CAST: variants seen among roughly 807,000 people sequenced by gnomAD.
The protein encoded by CAST is MIR583 host.
In CAST, 76 loss-of-function variants were observed where a neutral mutation model predicts 119.6. The observed-to-expected ratio is 0.64, with a 90% CI of 0.53 to 0.77. The LOEUF (loss-of-function observed/expected upper bound fraction) is 0.77. Among genes scored for constraint, CAST ranks in the 30% least tolerant of loss-of-function variants. The pLI is 0.00. For synonymous variants in CAST, 319 were observed against 331.6 expected, an observed-to-expected ratio of 0.96 and a Z score of 0.41; for missense variants, 953 against 946.5, an observed-to-expected ratio of 1.01 and a Z score of -0.09.
At chr5:96,684,184 G>A (rs1446916892) in intron 2 of CAST, among the ~76,000 whole-genome samples, 1 of 152,170 alleles carries the variant, frequency 6.6e-6, no homozygotes, top group Non-Finnish European at 1.5e-5. Context: ...GATACTAATA[G>A]TTCTTACATA....
the CAST span, among the ~76,000 whole-genome samples, chr5:96,038,999 G>T: frequency 6.6e-6 from 1 of 152,128 alleles, no homozygotes; most frequent in Admixed American, 6.5e-5. Context: ...CAGTGTAAAA[G>T]TGTTCCTATT....
chr5:96,276,307 A>C, the CAST span, among the ~76,000 whole-genome samples: 3 of 152,210 alleles, frequency 2.0e-5, no homozygotes, highest in Non-Finnish European at 4.4e-5. Context: ...TGGGCCTCTG[A>C]ACTAGCATTA....
chr5:96,109,643 A>G, the CAST span, among the ~76,000 whole-genome samples: 2 of 152,174 alleles, frequency 1.3e-5, no homozygotes, highest in Admixed American at 6.5e-5. Context: ...AAGAGTCAAG[A>G]GAGGTGGGAA....
intron 3 of CAST, among the ~76,000 whole-genome samples, chr5:96,703,174 G>C (rs528099091): frequency 5.1e-4 from 77 of 152,316 alleles, no homozygotes; most frequent in African/African-American, 1.8e-3. Context: ...TCTGGTGACC[G>C]GACGCGTAGG....
At chr5:96,113,707 A>G in the CAST span, among the ~76,000 whole-genome samples, 1 of 152,210 alleles carries the variant, frequency 6.6e-6, no homozygotes, top group African/African-American at 2.4e-5. Context: ...TCCTTGCAGG[A>G]GTGCCAGTAA....
chr5:96,591,438 T>G (rs1391625568), intron 1 of CAST, among the ~76,000 whole-genome samples: 5 of 152,232 alleles, frequency 3.3e-5, no homozygotes, highest in Non-Finnish European at 7.3e-5. Context: ...GTCTTTTTCT[T>G]TCGAGAAGGC....
the CAST span, among the ~76,000 whole-genome samples, chr5:96,098,582 C>T: frequency 2.6e-5 from 4 of 152,182 alleles, no homozygotes; most frequent in Non-Finnish European, 5.9e-5. Flanking sequence ...GATAGGGAAT[C>T]CTTTCACCAT....
chr5:96,161,379 G>A, the CAST span, among the ~76,000 whole-genome samples: 54 of 152,016 alleles, frequency 3.6e-4, no homozygotes, highest in African/African-American at 1.1e-3. Context: ...AGAACCGTTT[G>A]TTGAAAATAT....
the CAST span, among the ~76,000 whole-genome samples, chr5:96,016,570 A>C: frequency 6.6e-6 from 1 of 152,204 alleles, no homozygotes; most frequent in Non-Finnish European, 1.5e-5. Flanking sequence ...TCATACCTGC[A>C]CACGGCATAT....
At chr5:96,481,248 T>A in the CAST span, among the ~76,000 whole-genome samples, 5 of 152,146 alleles carry the variant, frequency 3.3e-5, no homozygotes, top group Non-Finnish European at 7.4e-5. Context: ...TGTCTTTGCA[T>A]ACTGACTGTG....
chr5:96,053,794 C>G, the CAST span, among the ~76,000 whole-genome samples: 1 of 152,184 alleles, frequency 6.6e-6, no homozygotes, highest in Non-Finnish European at 1.5e-5. Flanking sequence ...TTCTGGGAAT[C>G]ATTTACCTAC....
At chr5:95,961,544 C>CT in the CAST span, 3 of 1,547,476 alleles carry the variant, frequency 1.9e-6, no homozygotes, top group East Asian at 5.1e-5. Flanking sequence ...CTCTGCCTCT[C>CT]TGAGCCCAGC....
the CAST span, among the ~76,000 whole-genome samples, chr5:96,134,839 G>C: frequency 6.6e-6 from 1 of 152,172 alleles, no homozygotes; most frequent in African/African-American, 2.4e-5. Flanking sequence ...ACATAAGTAA[G>C]TTGTAAATCT....
the CAST span, among the ~76,000 whole-genome samples, chr5:96,441,287 C>G: frequency 6.6e-6 from 1 of 152,172 alleles, no homozygotes; most frequent in Non-Finnish European, 1.5e-5. Context: ...ACCTCTCTTT[C>G]TCCCTTTTTT....
intron 1 of CAST, among the ~76,000 whole-genome samples, chr5:96,647,382 G>A (rs893348153): frequency 4.6e-5 from 7 of 152,126 alleles, no homozygotes; most frequent in Non-Finnish European, 8.8e-5. Flanking sequence ...TCCTTGCTTT[G>A]TAAAACCGTT....
chr5:96,326,099 C>T, the CAST span, among the ~76,000 whole-genome samples: 1 of 152,168 alleles, frequency 6.6e-6, no homozygotes, highest in African/African-American at 2.4e-5. Flanking sequence ...TTTTCCCCAC[C>T]CCCTATTACC....
chr5:96,138,481 T>C, the CAST span, among the ~76,000 whole-genome samples: 1 of 152,040 alleles, frequency 6.6e-6, no homozygotes, highest in Non-Finnish European at 1.5e-5. Flanking sequence ...CCATATACAC[T>C]GTAGAGTCAG....
chr5:96,395,814 A>G, the CAST span, among the ~76,000 whole-genome samples: 6 of 142,034 alleles, frequency 4.2e-5, no homozygotes, highest in Non-Finnish European at 7.5e-5. Context: ...AAAGAGGTCT[A>G]TAAAGTTCAA....
the CAST span, among the ~76,000 whole-genome samples, chr5:96,043,702 T>TC: frequency 6.6e-6 from 1 of 152,118 alleles, no homozygotes; most frequent in African/African-American, 2.4e-5. Flanking sequence ...AGAAGCAACT[T>TC]CCCCACTGTC....
Sources: gnomAD v4.1 joint callset for allele counts (sites outside exome capture counted in the v4.1 genomes callset) on GRCh38, gnomAD v4.1.1 for gene constraint, MANE v1.5 for transcripts, NCBI Gene and HGNC (gene_info 2026-07-23, HGNC 2026-07-21) for gene names.